The following SLC26A4 variants were observed in gnomAD, a reference collection of about 807,000 sequenced individuals.
The protein encoded by SLC26A4 is pendrin.
In SLC26A4, 93 loss-of-function variants were observed where a neutral mutation model predicts 90.4. The ratio of observed to expected loss-of-function variants is 1.03; its 90% CI spans 0.87 to 1.22. SLC26A4 has a LOEUF of 1.22. Among genes scored for constraint, SLC26A4 ranks in the 50% most tolerant of loss-of-function variants. The pLI is 0.00. For missense variants in SLC26A4, 1,127 were observed against 946.2 expected (o/e 1.19, Z -2.51); for synonymous variants, 393 against 354.6 (o/e 1.11, Z -1.22).
rs555657762 is a variant in SLC26A4 at position 107,674,174 on chromosome 7, A to T, written c.426A>T (p.Pro142=). 33 of 1,614,074 alleles carry T rather than the reference A, an allele frequency of 2.0e-5. No homozygotes were observed. The East Asian group carries it at 6.2e-4, about 31-fold the overall frequency. The change falls in exon 5 of 21, where the codon CCA becomes CCT. Residue 142 remains proline (P), a synonymous_variant. Coordinates refer to ENST00000644269, the MANE Select transcript of SLC26A4 (RefSeq NM_000441.2). ...ACTTTTTTTCCCCAGGACCTTTTCC[A>T]GTGGTGAGTTTAATGGTGGGATCTG... ...TSRHISVGPF[P]VVSLMVGSVV...
chr7:107,707,493 C>T (rs1562842287), intron 18 of SLC26A4, among the ~76,000 whole-genome samples: 1 of 152,114 alleles, frequency 6.6e-6, no homozygotes, highest in Non-Finnish European at 1.5e-5. Flanking sequence ...CAGAACAAAA[C>T]AATTAACTGT....
intron 4 of SLC26A4, 123 bp downstream of exon 4, chr7:107,672,371 T>A: frequency 3.7e-6 from 1 of 273,672 alleles, no homozygotes; most frequent in East Asian, 7.8e-5. Context: ...ATTATACTTT[T>A]AATTGTGAAA....
Position 107,689,173 on chromosome 7 carries a change from G to C in SLC26A4, c.1122G>C (p.Lys374Asn). Residue 374 changes from lysine (K) to asparagine (N), a missense_variant, in exon 9 of 21, where the codon AAG becomes AAC. Transcript: ENST00000644269. Reference protein sequence around the residue: ...AVSVGKVYATKYDYTIDGNQE... With the variant: ...AVSVGKVYATNYDYTIDGNQE... ...CAGTAGGAAAAGTATATGCCACCAA[G>C]TATGATTACACCATCGATGGGAACC... The C allele has an allele frequency of 1.2e-6, 2 of 1,613,876 alleles. No homozygotes were observed. Among genetic ancestry groups the C allele is most frequent in the South Asian group, 1.1e-5 (1 of 91,080 alleles).
At chr7:107,675,285 T>TAAAAAAAAAAAAAAAAAAAAAAAA (rs60022317) in intron 6 of SLC26A4, among the ~76,000 whole-genome samples, 176 bp downstream of exon 6, 1 of 96,790 alleles carries the variant, frequency 1.0e-5, no homozygotes, top group Admixed American at 1.2e-4. Flanking sequence ...CCTCATCTCT[T>TAAAAAAAAAAAAAAAAAAAAAAAA]AAAAAAAAAA....
chr7:107,661,439 G>T lies in SLC26A4; in HGVS notation c.-3-200G>T. 1.6e-6 allele frequency: 1 copy of T among 626,364 alleles called. No individual in the cohort carries two copies. Among genetic ancestry groups the T allele is most frequent in the Non-Finnish European group, 2.8e-6 (1 of 354,606 alleles). 38.8% of individuals were successfully genotyped at this position (626,364 alleles called of 1,614,324 possible). On this transcript the variant is annotated intron_variant, in intron 1 of 20. Transcript: ENST00000644269. The surrounding 1 kb of genome is among the most constrained non-coding windows in gnomAD (Gnocchi z 5.1). Reference sequence around the variant, plus strand: ...CCACGAGACCCGAAGGTTCTCAGGTGCCCCCCTGCAGGCTGGCCGTGCGCG... The same window carrying T: ...CCACGAGACCCGAAGGTTCTCAGGTTCCCCCCTGCAGGCTGGCCGTGCGCG...
In SLC26A4 at chr7:107,710,156, A is replaced by T. The variant is rs747304919; in HGVS notation, c.2192A>T (p.Asn731Ile). 1.2e-6 allele frequency: 2 copies of T among 1,609,126 alleles called. No homozygotes were observed. Among genetic ancestry groups the T allele is most frequent in the Admixed American group, 1.7e-5 (1 of 59,982 alleles). Residue 731 changes from asparagine (N) to isoleucine (I), a missense_variant, in exon 19 of 21, where the codon AAC becomes ATC. Coordinates refer to ENST00000644269, the MANE Select transcript of SLC26A4 (RefSeq NM_000441.2). ...CATGATGCTATACTCTATCTACAGAACCAAGTGAAATCTCAAGAGGGTCAA... is the reference window on the plus strand; with the variant it reads ...CATGATGCTATACTCTATCTACAGATCCAAGTGAAATCTCAAGAGGGTCAA... ...TVHDAILYLQ[N>I]QVKSQEGQGS... is the part of the protein sequence containing the mutation.
chr7:107,707,197 A>G (rs971868659), intron 18 of SLC26A4, among the ~76,000 whole-genome samples: 1 of 152,244 alleles, frequency 6.6e-6, no homozygotes, highest in Non-Finnish European at 1.5e-5. Flanking sequence ...GCTTTAAAGA[A>G]AAATTTTCTT....
intron 3 of SLC26A4, among the ~76,000 whole-genome samples, chr7:107,668,423 C>T (rs1290419859): frequency 2.0e-5 from 3 of 152,024 alleles, no homozygotes; most frequent in Non-Finnish European, 4.4e-5. Context: ...GAGGCTGTAG[C>T]TGGAGAGAGG....
rs373909913 is a variant in SLC26A4, at chr7:107,686,290, T to C, written c.1001+2753T>C. On this transcript the variant is annotated intron_variant, in intron 8 of 20. Coordinates refer to ENST00000644269, the MANE Select transcript of SLC26A4 (RefSeq NM_000441.2). The stretch of plus-strand genomic sequence containing the variant: ...CTTCCTTCCCTCCCTTCCCTCCCTT[T>C]CCTACCTTCCCTCCCTTCCCTCCCT... Among the ~76,000 whole-genome samples, 361 of 94,616 alleles carry C rather than the reference T, an allele frequency of 3.8e-3. 3 individuals carry two copies. The highest frequency in any genetic ancestry group is 8.9e-3 in the Middle Eastern group (2 of 224). 62.1% of individuals were successfully genotyped at this position (94,616 alleles called of 152,430 possible). A position where few individuals can be genotyped will look rare whatever the true frequency, so the allele number is the denominator to read the frequency against.
Position 107,661,813 on chromosome 7 carries a change from C to T in SLC26A4, c.164+8C>T. 1.3e-6 allele frequency: 2 copies of T among 1,534,604 alleles called. No individual in the cohort carries two copies. Among genetic ancestry groups the T allele is most frequent in the Non-Finnish European group, 1.7e-6 (2 of 1,145,876 alleles). On this transcript the variant is annotated splice_region_variant and intron_variant, in intron 2 of 20. Transcript: ENST00000644269. The surrounding 1 kb of genome is among the most constrained non-coding windows in gnomAD (Gnocchi z 5.1). ...CCTGGCCAAGTGCTGCAGGTAGCGG[C>T]CGCGCGGGCCTGCGTAGAGAGAAGC...
At chr7:107,663,938 C>G (rs1332078690) in intron 3 of SLC26A4, among the ~76,000 whole-genome samples, 1 of 152,122 alleles carries the variant, frequency 6.6e-6, no homozygotes, top group Non-Finnish European at 1.5e-5. Context: ...CTGCCTTGGC[C>G]TCCCAAAATG....
intron 10 of SLC26A4, among the ~76,000 whole-genome samples, chr7:107,691,029 A>C (rs968607315): frequency 4.6e-5 from 7 of 151,928 alleles, no homozygotes; most frequent in Admixed American, 2.6e-4. Context: ...TATCTTCCCA[A>C]CACAGAAAGA....
Position 107,674,302 on chromosome 7 carries a change from G to C in SLC26A4, c.554G>C (p.Arg185Thr), listed in dbSNP as rs542620119. 81 of 1,613,978 alleles carry C rather than the reference G, an allele frequency of 5.0e-5. No homozygotes were observed. Among genetic ancestry groups the C allele is most frequent in the Middle Eastern group, 1.6e-4 (1 of 6,062 alleles). The change falls in exon 5 of 21, where the codon AGA (arginine) becomes ACA (threonine). Residue 185 changes from arginine (R) to threonine (T), a missense_variant. Physicochemically the swap from Arg to Thr is moderately conservative, Grantham distance 71. Transcript: ENST00000644269. The part of the protein sequence containing the change: ...MIDTAARDTA[R>T]VLIASALTLL... The stretch of plus-strand genomic sequence containing the variant: ...GACACTGCAGCTAGAGATACAGCTA[G>C]AGTCCTGATTGCCAGTGCCCTGACT...
chr7:107,661,235 C>A lies in SLC26A4; in HGVS notation c.-4+380C>A, dbSNP rs760277159. The A allele has an allele frequency of 2.4e-5, 6 of 248,264 alleles. No homozygotes were observed. Among genetic ancestry groups the A allele is most frequent in the Non-Finnish European group, 4.7e-5 (6 of 127,064 alleles). The allele number at this position is 248,264 out of a possible 1,614,324, so 15.4% of individuals were successfully genotyped here. On this transcript the variant is annotated intron_variant, in intron 1 of 20. Coordinates refer to ENST00000644269, the MANE Select transcript of SLC26A4 (RefSeq NM_000441.2). This position sits in a 1 kb window ranked among gnomAD's most constrained non-coding sequence, Gnocchi z 5.1. ...GCGGGGAGGGAGGGAATCTCAGTGT[C>A]CCCTTCCAGCCTTGCAAGCGCCTTT...
chr7:107,707,078 A>C (rs900784346), intron 18 of SLC26A4, among the ~76,000 whole-genome samples: 1 of 152,180 alleles, frequency 6.6e-6, no homozygotes, highest in African/African-American at 2.4e-5. Context: ...TGGAGGTAGC[A>C]GTGAGCCCAG....
At chr7:107,695,074 G>A (rs1245702307) in intron 12 of SLC26A4, among the ~76,000 whole-genome samples, 1 of 152,058 alleles carries the variant, frequency 6.6e-6, no homozygotes, top group African/African-American at 2.4e-5. Flanking sequence ...AAAAACCCAC[G>A]CTGACTTTAA....
Position 107,708,310 on chromosome 7 carries a change from G to A in SLC26A4, c.2090-1744G>A, listed in dbSNP as rs150921445. On this transcript the variant is annotated intron_variant, in intron 18 of 20. Transcript: ENST00000644269. Reference sequence around the variant, plus strand: ...TCCTATACTTCCTTTTTTAAAATTGGCATTGTACCTTAGGACAAAGATTTA... The same window carrying A: ...TCCTATACTTCCTTTTTTAAAATTGACATTGTACCTTAGGACAAAGATTTA... 6.3e-3 allele frequency among the ~76,000 whole-genome samples: 953 copies of A among 152,004 alleles called. 14 individuals carry two copies. The highest frequency in any genetic ancestry group is 0.022 in the African/African-American group (923 of 41,476).
intron 20 of SLC26A4, 89 bp from the exon 21 acceptor site, chr7:107,715,334 T>A: frequency 2.0e-6 from 2 of 1,020,286 alleles, no homozygotes. Flanking sequence ...AAGCAATCAA[T>A]ACTATAAAAA....
At chr7:107,689,290 G>C (rs559778663) in intron 9 of SLC26A4, 90 bp downstream of exon 9, 1 of 1,376,610 alleles carries the variant, frequency 7.3e-7, no homozygotes, top group East Asian at 2.3e-5. Context: ...AGCTAAAGAA[G>C]GGGTTGGATT....
Sources: gnomAD v4.1 joint callset for allele counts (sites outside exome capture counted in the v4.1 genomes callset) on GRCh38, gnomAD v4.1.1 for gene constraint, Gnocchi (gnomAD v3.1) non-coding constraint, MANE v1.5 for transcripts, NCBI Gene and HGNC (gene_info 2026-07-23, HGNC 2026-07-21) for gene names.